Variants in CMIP observed in about 807,000 individuals in gnomAD.
CMIP encodes the protein c-Maf inducing protein, also known as C-Maf-inducing protein.
A neutral mutation model predicts 97.3 loss-of-function variants in CMIP; 13 were observed. The ratio of observed to expected loss-of-function variants is 0.13; its 90% CI spans 0.09 to 0.21. The LOEUF is 0.21. CMIP is among the 10% of genes least tolerant of loss of function. CMIP has a pLI of 1.00. For synonymous variants in CMIP, 538 were observed against 436.3 expected (o/e 1.23, Z -2.91); for missense variants, 847 against 1,024.9 (o/e 0.83, Z 2.37).
At chr16:81,599,273 G>A (rs2091618233) in intron 1 of CMIP, among the ~76,000 whole-genome samples, 1 of 152,186 alleles carries the variant, frequency 6.6e-6, no homozygotes, top group Admixed American at 6.5e-5. Context: ...AACCAGGGGA[G>A]GGAGAGTGTG....
chr16:81,709,927 C>G lies in CMIP; in HGVS notation c.*128C>G. 4.1e-5 allele frequency: 3 copies of G among 72,944 alleles called. No homozygotes were observed. The highest frequency in any genetic ancestry group is 7.9e-5 in the Non-Finnish European group (3 of 37,916). The allele number at this position is 72,944 out of a possible 1,614,324, so 4.5% of individuals were successfully genotyped here. A position where few individuals can be genotyped will look rare whatever the true frequency, so the allele number is the denominator to read the frequency against. On this transcript the variant is annotated 3_prime_UTR_variant, in exon 21 of 21. Coordinates refer to ENST00000537098, the MANE Select transcript of CMIP (RefSeq NM_198390.3). Reference sequence around the variant, plus strand: ...GCTGTGAGATAGATGGGGAGTCTTTCTGGGGGCGGAGGGGGGAGGGGGTGG... The same window carrying G: ...GCTGTGAGATAGATGGGGAGTCTTTGTGGGGGCGGAGGGGGGAGGGGGTGG...
intron 10 of CMIP, among the ~76,000 whole-genome samples, chr16:81,689,704 G>C (rs935682131): frequency 2.6e-5 from 4 of 152,140 alleles, no homozygotes; most frequent in African/African-American, 9.7e-5. Flanking sequence ...ATTGCTTTTG[G>C]TATTTTAGTC....
At chr16:81,629,431 G>C (rs1271120392) in intron 3 of CMIP, among the ~76,000 whole-genome samples, 1 of 152,172 alleles carries the variant, frequency 6.6e-6, no homozygotes, top group Non-Finnish European at 1.5e-5. Context: ...CCTCCGAGGT[G>C]GCTCCTGGCT....
At chr16:81,633,157 G>T (rs1009929659) in intron 3 of CMIP, among the ~76,000 whole-genome samples, 3 of 152,218 alleles carry the variant, frequency 2.0e-5, no homozygotes, top group Non-Finnish European at 4.4e-5. Context: ...GCCCTTTAAA[G>T]ACAAGTTTTT....
chr16:81,688,985 A>G (rs1172660534), intron 10 of CMIP, among the ~76,000 whole-genome samples: 2 of 152,236 alleles, frequency 1.3e-5, no homozygotes, highest in African/African-American at 2.4e-5. Context: ...GAGGACATGA[A>G]CTCATCCTTT....
intron 1 of CMIP, among the ~76,000 whole-genome samples, chr16:81,575,392 A>C (rs763114013): frequency 1.3e-5 from 2 of 152,146 alleles, no homozygotes; most frequent in Non-Finnish European, 2.9e-5. Context: ...CAAAGCTGTC[A>C]CTGGCCCTCC....
chr16:81,467,883 CTTTTT>C (rs754844403), intron 1 of CMIP, among the ~76,000 whole-genome samples: 1 of 113,478 alleles, frequency 8.8e-6, no homozygotes. Flanking sequence ...GCCTGGCCTT[CTTTTT>C]TTTTTTTTTT....
intron 1 of CMIP, among the ~76,000 whole-genome samples, chr16:81,575,258 G>A (rs577672396): frequency 6.6e-6 from 1 of 152,350 alleles, no homozygotes; most frequent in Admixed American, 6.5e-5. Flanking sequence ...GAGTCATGCA[G>A]TGTTGGAATG....
intron 1 of CMIP, among the ~76,000 whole-genome samples, chr16:81,447,869 T>C (rs1905957032): frequency 6.6e-6 from 1 of 151,964 alleles, no homozygotes; most frequent in Admixed American, 6.6e-5. Flanking sequence ...AGAGGTGAGG[T>C]TGGGACTGCC....
chr16:81,681,356 A>G (rs956949535), intron 10 of CMIP, among the ~76,000 whole-genome samples: 3 of 152,256 alleles, frequency 2.0e-5, no homozygotes, highest in African/African-American at 7.2e-5. Flanking sequence ...GAGATACGTC[A>G]GGAAAGGCAC....
chr16:81,674,169 G>T (rs146296524), intron 9 of CMIP, among the ~76,000 whole-genome samples: 1 of 152,288 alleles, frequency 6.6e-6, no homozygotes, highest in African/African-American at 2.4e-5. Flanking sequence ...TCAGAAGGAA[G>T]TGCAGGGACT....
chr16:81,487,359 C>T (rs2089333163), intron 1 of CMIP, among the ~76,000 whole-genome samples: 1 of 152,242 alleles, frequency 6.6e-6, no homozygotes, highest in South Asian at 2.1e-4. Context: ...CGCTTCAAAC[C>T]TGGGTGGTCA....
At chr16:81,593,779 G>A (rs2091502934) in intron 1 of CMIP, among the ~76,000 whole-genome samples, 1 of 152,070 alleles carries the variant, frequency 6.6e-6, no homozygotes, top group African/African-American at 2.4e-5. Context: ...TCCCTCCCTA[G>A]CACCCTCTTG....
At chr16:81,697,938 C>G (rs1010856108) in intron 14 of CMIP, 1 of 152,512 alleles carries the variant, frequency 6.6e-6, no homozygotes, top group Non-Finnish European at 1.5e-5. Flanking sequence ...CTCTCGGTCA[C>G]CTCTCGGGTT....
chr16:81,492,857 G>A (rs1023951093), intron 1 of CMIP, among the ~76,000 whole-genome samples: 1 of 152,052 alleles, frequency 6.6e-6, no homozygotes, highest in South Asian at 2.1e-4. Flanking sequence ...AGTGGGTTAC[G>A]GGGAGCTGTG....
chr16:81,536,393 G>C (rs2090343282), intron 1 of CMIP, among the ~76,000 whole-genome samples: 1 of 152,086 alleles, frequency 6.6e-6, no homozygotes, highest in Non-Finnish European at 1.5e-5. Flanking sequence ...TCTCTCACCT[G>C]TCATTAACTC....
chr16:81,495,225 T>C, intron 1 of CMIP: 1 of 1,097,458 alleles, frequency 9.1e-7, no homozygotes, highest in East Asian at 2.9e-5. Context: ...ATAGGGTTTC[T>C]CAGTGAAACA....
intron 14 of CMIP, chr16:81,697,708 G>C (rs1039856039): frequency 7.9e-5 from 12 of 152,238 alleles, no homozygotes; most frequent in African/African-American, 2.4e-4. Context: ...CTCTCTGCTG[G>C]GTGGCTGGTT....
chr16:81,450,461 T>C (rs1906138293), intron 1 of CMIP, among the ~76,000 whole-genome samples: 1 of 152,202 alleles, frequency 6.6e-6, no homozygotes, highest in African/African-American at 2.4e-5. Flanking sequence ...ACCTCATGTC[T>C]AGGGTTGCTG....
Sources: allele counts gnomAD v4.1 joint callset (sites outside exome capture counted in the v4.1 genomes callset), GRCh38; gene constraint gnomAD v4.1.1; transcripts MANE v1.5; gene names NCBI Gene and HGNC (gene_info 2026-07-23, HGNC 2026-07-21).